NLGN1: variants seen among roughly 807,000 people sequenced by gnomAD.
NLGN1 encodes neuroligin-1.
NLGN1 carries 12 observed loss-of-function variants against 65.5 expected under a neutral mutation model. The observed-to-expected ratio is 0.18, with a 90% CI of 0.12 to 0.30. NLGN1 has a LOEUF of 0.30. NLGN1 is among the 10% of genes least tolerant of loss of function. The pLI, the probability that NLGN1 is intolerant of heterozygous loss-of-function variation, is 1.00. For missense variants in NLGN1, 750 were observed against 1,007.1 expected (o/e 0.74, Z 3.46); for synonymous variants, 350 against 359.5 (o/e 0.97, Z 0.30).
At chr3:173,692,053 A>G (rs1765545985) in intron 3 of NLGN1, among the ~76,000 whole-genome samples, 1 of 152,098 alleles carries the variant, frequency 6.6e-6, no homozygotes. Flanking sequence ...AAAATAATAG[A>G]AGATTTATTT....
At chr3:174,192,210 A>G (rs1015322059) in intron 4 of NLGN1, among the ~76,000 whole-genome samples, 1 of 152,190 alleles carries the variant, frequency 6.6e-6, no homozygotes, top group Non-Finnish European at 1.5e-5. Flanking sequence ...GCATGCTGTA[A>G]TGAGATTTTT....
At chr3:174,236,760 T>G (rs906715218) in intron 4 of NLGN1, among the ~76,000 whole-genome samples, 2 of 152,090 alleles carry the variant, frequency 1.3e-5, no homozygotes, top group African/African-American at 2.4e-5. Flanking sequence ...TTACATTTAT[T>G]GTAACTGCAC....
At chr3:174,149,569 T>C (rs958677478) in intron 4 of NLGN1, among the ~76,000 whole-genome samples, 10 of 152,170 alleles carry the variant, frequency 6.6e-5, no homozygotes, top group African/African-American at 2.2e-4. Flanking sequence ...ATTATAAACA[T>C]CCTTGAATGT....
downstream of NLGN1, among the ~76,000 whole-genome samples, chr3:174,291,567 C>T (rs954287957): frequency 1.1e-4 from 16 of 151,142 alleles, no homozygotes; most frequent in African/African-American, 1.9e-4. Context: ...TCAAAGACAA[C>T]GCTTTATGCC....
intron 3 of NLGN1, among the ~76,000 whole-genome samples, chr3:173,692,399 G>A (rs1419033375): frequency 6.6e-6 from 1 of 152,056 alleles, no homozygotes; most frequent in Non-Finnish European, 1.5e-5. Context: ...GTGGCATGAG[G>A]ATTAACTGAT....
At chr3:174,112,114 A>G (rs1191003056) in intron 4 of NLGN1, among the ~76,000 whole-genome samples, 1 of 151,954 alleles carries the variant, frequency 6.6e-6, no homozygotes. Flanking sequence ...CCAAATTAAT[A>G]TAGAGGCAGT....
intron 2 of NLGN1, among the ~76,000 whole-genome samples, chr3:173,436,009 C>G (rs535982490): frequency 1.3e-5 from 2 of 152,044 alleles, no homozygotes; most frequent in South Asian, 4.2e-4. Context: ...GTAACTAAAC[C>G]CCAAACCAAA....
chr3:173,709,682 A>G (rs1768614524), intron 3 of NLGN1, among the ~76,000 whole-genome samples: 2 of 151,738 alleles, frequency 1.3e-5, no homozygotes, highest in South Asian at 4.2e-4. Context: ...GAGTGCCTGT[A>G]ATCCCAGCTA....
intron 4 of NLGN1, among the ~76,000 whole-genome samples, chr3:174,258,269 GAAATA>G (rs1455563714): frequency 6.6e-6 from 1 of 151,614 alleles, no homozygotes; most frequent in Non-Finnish European, 1.5e-5. Flanking sequence ...TATAACCACT[GAAATA>G]AAATAAGAAC....
At chr3:173,398,820 A>G (rs956259048) in intron 1 of NLGN1, among the ~76,000 whole-genome samples, 3 of 152,108 alleles carry the variant, frequency 2.0e-5, no homozygotes, top group Admixed American at 2.0e-4. Flanking sequence ...CCGGTAGACT[A>G]TTTTTGCTTA....
At chr3:173,959,748 G>C (rs1250057643) in intron 4 of NLGN1, among the ~76,000 whole-genome samples, 2 of 151,940 alleles carry the variant, frequency 1.3e-5, no homozygotes, top group East Asian at 1.9e-4. Context: ...TAAATGTTTT[G>C]GTATCACAGT....
chr3:174,152,958 A>G (rs1279127999), intron 4 of NLGN1, among the ~76,000 whole-genome samples: 1 of 152,104 alleles, frequency 6.6e-6, no homozygotes, highest in Non-Finnish European at 1.5e-5. Flanking sequence ...ATGCACTTAG[A>G]ATAAAATGTA....
At chr3:174,277,695 A>AT (rs755814770) in intron 5 of NLGN1, among the ~76,000 whole-genome samples, 10 of 151,984 alleles carry the variant, frequency 6.6e-5, no homozygotes, top group Non-Finnish European at 1.0e-4. Context: ...ATACTGTTAG[A>AT]TTTTTTTAAT....
At chr3:174,210,397 C>T (rs1736237872) in intron 4 of NLGN1, among the ~76,000 whole-genome samples, 1 of 152,166 alleles carries the variant, frequency 6.6e-6, no homozygotes, top group Non-Finnish European at 1.5e-5. Flanking sequence ...ATTTATACAA[C>T]AAATATTTGT....
intron 4 of NLGN1, among the ~76,000 whole-genome samples, chr3:174,052,233 G>A (rs143696864): frequency 2.0e-5 from 3 of 152,152 alleles, no homozygotes; most frequent in African/African-American, 7.2e-5. Context: ...CATGTGTTGT[G>A]TAGGGGAAAA....
chr3:173,521,660 A>G (rs1734779991), intron 2 of NLGN1, among the ~76,000 whole-genome samples: 1 of 152,150 alleles, frequency 6.6e-6, no homozygotes, highest in African/African-American at 2.4e-5. Flanking sequence ...AGAACCTCCC[A>G]GGCTGATTAG....
chr3:173,696,272 C>T (rs964619504), intron 3 of NLGN1, among the ~76,000 whole-genome samples: 2 of 152,184 alleles, frequency 1.3e-5, no homozygotes, highest in East Asian at 3.8e-4. Context: ...TGACAACATT[C>T]TCTTTTGATT....
intron 3 of NLGN1, among the ~76,000 whole-genome samples, chr3:173,628,171 C>A (rs1203382043): frequency 2.0e-5 from 3 of 152,092 alleles, no homozygotes; most frequent in Non-Finnish European, 4.4e-5. Flanking sequence ...GGAGTCCTCA[C>A]CTCTAGGATG....
intron 4 of NLGN1, among the ~76,000 whole-genome samples, chr3:173,856,755 A>G (rs1728048159): frequency 1.3e-5 from 2 of 152,120 alleles, no homozygotes; most frequent in African/African-American, 2.4e-5. Context: ...TTTTACACAG[A>G]GGCCTAAAAT....
Sources: allele counts gnomAD v4.1 joint callset (sites outside exome capture counted in the v4.1 genomes callset), GRCh38; gene constraint gnomAD v4.1.1; transcripts MANE v1.5; gene names NCBI Gene and HGNC (gene_info 2026-07-23, HGNC 2026-07-21).